Variants in ZDHHC15 observed in about 807,000 individuals in gnomAD.
ZDHHC15 encodes the protein zDHHC palmitoyltransferase 15, also known as palmitoyltransferase ZDHHC15.
In ZDHHC15, 19 loss-of-function variants were observed where a neutral mutation model predicts 31.7. The observed-to-expected ratio is 0.60, with a 90% confidence interval of 0.42 to 0.88. ZDHHC15 has a LOEUF of 0.88. ZDHHC15 is among the 40% of genes least tolerant of loss of function. The probability of loss-of-function intolerance (pLI) is 0.00; values close to 1 mark genes in which losing one functional copy is unlikely to be tolerated. For missense variants in ZDHHC15, 209 were observed against 251.2 expected (o/e 0.83, Z 1.14); for synonymous variants, 103 against 90.0 (o/e 1.14, Z -0.82).
At chrX:75,418,269 G>A (rs2083572318) in intron 9 of ZDHHC15, among the ~76,000 whole-genome samples, 1 of 111,661 alleles carries the variant, frequency 9.0e-6, no homozygotes. Context: ...CTGCTACACA[G>A]GAAGTATCAA....
At chrX:75,453,827 A>T (rs1406990136) in intron 3 of ZDHHC15, among the ~76,000 whole-genome samples, 2 of 111,737 alleles carry the variant, frequency 1.8e-5, no homozygotes, top group Non-Finnish European at 3.8e-5. Context: ...GGCCTTTGAC[A>T]AAATTCCACA....
At chrX:75,476,646 C>A (rs1409600312) in intron 3 of ZDHHC15, among the ~76,000 whole-genome samples, 1 of 106,517 alleles carries the variant, frequency 9.4e-6, no homozygotes, top group African/African-American at 3.4e-5. Flanking sequence ...TTCTTCCCTC[C>A]CTCCCTTCCT....
Position 75,376,669 on chromosome X carries a change from C to T in ZDHHC15, c.*32+2451G>A, listed in dbSNP as rs73488451. Among the ~76,000 whole-genome samples the T allele has an allele frequency of 1.7e-3, 194 of 111,941 alleles. 2 individuals carry two copies. Among genetic ancestry groups the T allele is most frequent in the African/African-American group, 5.8e-3 (180 of 30,885 alleles). ...TTAATTGAATAGAGAGTTCTTTCCTCATTGCTTTCTTTTGTTGCTTTGCCC... is the reference window on the plus strand; with the variant it reads ...TTAATTGAATAGAGAGTTCTTTCCTTATTGCTTTCTTTTGTTGCTTTGCCC... On this transcript the variant is annotated intron_variant, in intron 11 of 11. Coordinates refer to ENST00000373367, the MANE Select transcript of ZDHHC15 (RefSeq NM_144969.3).
chrX:75,379,365 A>T (rs1190086469), intron 10 of ZDHHC15, among the ~76,000 whole-genome samples, 167 bp from the exon 11 acceptor site: 1 of 112,352 alleles, frequency 8.9e-6, no homozygotes, highest in African/African-American at 3.2e-5. Flanking sequence ...AGACATTCAC[A>T]TTCTAAGAAT....
At chrX:75,417,030 T>G in intron 10 of ZDHHC15, 57 bp downstream of exon 10, 1 of 961,907 alleles carries the variant, frequency 1.0e-6, no homozygotes, top group Non-Finnish European at 1.5e-6. Context: ...CACTATTTAC[T>G]CACCACATTA....
chrX:75,370,932 G>T lies in ZDHHC15; in HGVS notation c.*2046C>A, dbSNP rs1460794513. Reference sequence around the variant, plus strand: ...TTTACCTCTCCGGAACTTCCTTATAGTTAACTGACACTATATTTTGTGACT... The same window carrying T: ...TTTACCTCTCCGGAACTTCCTTATATTTAACTGACACTATATTTTGTGACT... On this transcript the variant is annotated 3_prime_UTR_variant, in exon 12 of 12. Coordinates refer to ENST00000373367, the MANE Select transcript of ZDHHC15 (RefSeq NM_144969.3). The T allele has an allele frequency of 9.0e-6, 1 of 111,713 alleles. No individual in the cohort carries two copies. Among genetic ancestry groups the T allele is most frequent in the African/African-American group, 3.3e-5 (1 of 30,713 alleles). The allele number at this position is 111,713 out of a possible 1,213,427, so 9.2% of individuals were successfully genotyped here. A position where few individuals can be genotyped will look rare whatever the true frequency, so the allele number is the denominator to read the frequency against.
chrX:75,441,698 A>G (rs1602629865), intron 4 of ZDHHC15, among the ~76,000 whole-genome samples: 1 of 100,309 alleles, frequency 1.0e-5, no homozygotes, highest in African/African-American at 3.8e-5. Context: ...ATCTCCTCTC[A>G]CTGCAAGCTC....
At chrX:75,490,808 A>T (rs1351925864) in intron 2 of ZDHHC15, among the ~76,000 whole-genome samples, 1 of 111,793 alleles carries the variant, frequency 8.9e-6, no homozygotes, top group African/African-American at 3.3e-5. Context: ...TTATTGGTGT[A>T]TAAGAATGCT....
At chrX:75,417,035 A>G (rs1322816061) in intron 10 of ZDHHC15, 52 bp downstream of exon 10, 1 of 992,223 alleles carries the variant, frequency 1.0e-6, no homozygotes, top group Non-Finnish European at 1.4e-6. Flanking sequence ...TTTACTCACC[A>G]CATTACATTG....
intron 3 of ZDHHC15, among the ~76,000 whole-genome samples, chrX:75,474,844 T>A (rs2084575199): frequency 9.1e-6 from 1 of 109,480 alleles, no homozygotes; most frequent in Non-Finnish European, 1.9e-5. Context: ...GATCATGAGG[T>A]CAGGAGATCG....
intron 1 of ZDHHC15, among the ~76,000 whole-genome samples, chrX:75,516,674 G>T (rs2085362174): frequency 8.9e-6 from 1 of 112,148 alleles, no homozygotes; most frequent in Non-Finnish European, 1.9e-5. Flanking sequence ...ACATAGGCAT[G>T]GGCAAGGACC....
chrX:75,490,021 G>A (rs781173678), intron 2 of ZDHHC15, among the ~76,000 whole-genome samples: 4 of 111,628 alleles, frequency 3.6e-5, no homozygotes, highest in East Asian at 2.8e-4. Context: ...GAAATGAAGC[G>A]AGAAGAGAGG....
chrX:75,488,258 A>T (rs2084810028), intron 2 of ZDHHC15, among the ~76,000 whole-genome samples: 1 of 111,734 alleles, frequency 8.9e-6, no homozygotes, highest in African/African-American at 3.3e-5. Flanking sequence ...GAATCTTAAG[A>T]CCTGTGAGGC....
intron 1 of ZDHHC15, among the ~76,000 whole-genome samples, chrX:75,510,491 TCTG>T (rs2085245628): frequency 9.6e-6 from 1 of 103,877 alleles, no homozygotes; most frequent in Admixed American, 1.1e-4. Context: ...TTTTTTTTTT[TCTG>T]TCTGATCAGT....
intron 3 of ZDHHC15, among the ~76,000 whole-genome samples, chrX:75,464,165 C>A (rs1477331301): frequency 9.0e-6 from 1 of 111,121 alleles, no homozygotes; most frequent in East Asian, 2.8e-4. Flanking sequence ...AACCATCATT[C>A]TCGGCAAACT....
chrX:75,433,691 GTGTGTGTATA>G (rs776730189), intron 4 of ZDHHC15, among the ~76,000 whole-genome samples: 314 of 6,499 alleles, frequency 0.048, 1 homozygote, highest in South Asian at 0.16. Flanking sequence ...GTGTGTGTGT[GTGTGTGTATA>G]TATATATATA....
chrX:75,389,136 G>T (rs1451234315), intron 10 of ZDHHC15, among the ~76,000 whole-genome samples: 1 of 111,443 alleles, frequency 9.0e-6, no homozygotes, highest in Non-Finnish European at 1.9e-5. Flanking sequence ...GCAGAACTCA[G>T]CTGGTGCCCA....
chrX:75,386,130 T>G (rs2083176695), intron 10 of ZDHHC15, among the ~76,000 whole-genome samples: 1 of 111,906 alleles, frequency 8.9e-6, no homozygotes, highest in Admixed American at 9.5e-5. Flanking sequence ...GTGGGCAGTA[T>G]TAATGGGTGT....
At chrX:75,485,288 G>T (rs145403604) in intron 2 of ZDHHC15, among the ~76,000 whole-genome samples, 1 of 110,411 alleles carries the variant, frequency 9.1e-6, no homozygotes, top group African/African-American at 3.3e-5. Flanking sequence ...TAGATTTTTT[G>T]ACATTTGGCA....
Sources: allele counts gnomAD v4.1 joint callset (sites outside exome capture counted in the v4.1 genomes callset), GRCh38; gene constraint gnomAD v4.1.1; transcripts MANE v1.5; gene names NCBI Gene and HGNC (gene_info 2026-07-23, HGNC 2026-07-21).